Variants in LRRTM4 observed in about 807,000 individuals in gnomAD.
LRRTM4 encodes leucine rich repeat transmembrane neuronal 4, also known as leucine-rich repeat transmembrane neuronal protein 4.
Under a neutral mutation model 47.6 loss-of-function variants are expected in LRRTM4, and 25 were observed. The observed-to-expected ratio is 0.53, with a 90% CI of 0.38 to 0.73. The LOEUF is 0.73. Among genes scored for constraint, LRRTM4 ranks in the 30% least tolerant of loss-of-function variants. The pLI, the probability that LRRTM4 is intolerant of heterozygous loss-of-function variation, is 0.00. For synonymous variants in LRRTM4, 311 were observed against 269.5 expected (o/e 1.15, Z -1.51); for missense variants, 638 against 713.4 (o/e 0.89, Z 1.20).
chr2:77,330,098 G>T (rs897213079), intron 3 of LRRTM4, among the ~76,000 whole-genome samples: 1 of 152,144 alleles, frequency 6.6e-6, no homozygotes, highest in African/African-American at 2.4e-5. Flanking sequence ...GATTTGGCTG[G>T]AACCTTGGAT....
At chr2:77,022,555 A>G (rs969439549) in intron 3 of LRRTM4, among the ~76,000 whole-genome samples, 2 of 152,196 alleles carry the variant, frequency 1.3e-5, no homozygotes, top group Non-Finnish European at 1.5e-5. Flanking sequence ...CCTAGATACA[A>G]TGGAGGTACA....
chr2:76,785,133 G>GTACAAACAAT (rs1233289740), intron 3 of LRRTM4, among the ~76,000 whole-genome samples: 1 of 152,026 alleles, frequency 6.6e-6, no homozygotes, highest in Non-Finnish European at 1.5e-5. Context: ...GAAGAAGGAA[G>GTACAAACAAT]TACAAACAAT....
intron 3 of LRRTM4, among the ~76,000 whole-genome samples, chr2:76,770,780 A>C (rs968159604): frequency 3.3e-5 from 5 of 152,358 alleles, no homozygotes; most frequent in African/African-American, 1.2e-4. Flanking sequence ...CAATTGAAAC[A>C]TCTGACATAA....
chr2:76,908,908 G>C (rs898431308), intron 3 of LRRTM4, among the ~76,000 whole-genome samples: 1 of 152,164 alleles, frequency 6.6e-6, no homozygotes, highest in African/African-American at 2.4e-5. Context: ...TGTGAAAATG[G>C]CCATACTGCC....
intron 3 of LRRTM4, among the ~76,000 whole-genome samples, chr2:77,075,153 G>T (rs959974696): frequency 3.9e-5 from 6 of 152,030 alleles, no homozygotes; most frequent in African/African-American, 1.4e-4. Flanking sequence ...CTAATACCTG[G>T]TAACTTTGAA....
At chr2:77,494,547 A>G (rs1033475059) in intron 3 of LRRTM4, among the ~76,000 whole-genome samples, 5 of 151,372 alleles carry the variant, frequency 3.3e-5, no homozygotes, top group Non-Finnish European at 5.9e-5. Context: ...TCTTGCTTCT[A>G]CCACTCTGAA....
chr2:77,182,903 C>T (rs1673389697), intron 3 of LRRTM4, among the ~76,000 whole-genome samples: 1 of 152,108 alleles, frequency 6.6e-6, no homozygotes. Flanking sequence ...GAAACTGGAT[C>T]CCTTCCTTAC....
chr2:76,974,199 T>TATATATACATAC (rs1676329167), intron 3 of LRRTM4, among the ~76,000 whole-genome samples: 4 of 94,814 alleles, frequency 4.2e-5, no homozygotes, highest in African/African-American at 1.1e-4. Flanking sequence ...TATATATACA[T>TATATATACATAC]ATATATATAT....
chr2:76,924,314 T>C (rs1368459526), intron 3 of LRRTM4, among the ~76,000 whole-genome samples: 1 of 152,080 alleles, frequency 6.6e-6, no homozygotes. Flanking sequence ...TCCTCAACTC[T>C]TCTCTTTTTG....
intron 3 of LRRTM4, among the ~76,000 whole-genome samples, chr2:77,286,346 C>T (rs1244088043): frequency 6.6e-6 from 1 of 151,698 alleles, no homozygotes; most frequent in Non-Finnish European, 1.5e-5. Context: ...ATAAATTATA[C>T]CAAATCATTT....
chr2:76,802,236 CAA>C (rs60771411), intron 3 of LRRTM4, among the ~76,000 whole-genome samples: 16,447 of 139,266 alleles, frequency 0.12, 1,072 homozygotes, highest in Non-Finnish European at 0.15. Context: ...AAGACTCCAC[CAA>C]AAAAAAAAAA....
chr2:77,292,103 C>T lies in LRRTM4; in HGVS notation c.1551+226215G>A, dbSNP rs563277182. Among the ~76,000 whole-genome samples, 3 of 152,058 alleles carry T rather than the reference C, an allele frequency of 2.0e-5. 1 individual carries two copies. The highest frequency in any genetic ancestry group is 4.1e-4 in the South Asian group (2 of 4,824). On this transcript the variant is annotated intron_variant, in intron 3 of 3. Coordinates refer to ENST00000409884, the MANE Select transcript of LRRTM4 (RefSeq NM_001134745.3). ...AAAAAAACACATGAAAAAATGCTCA[C>T]CATCACTGGCTATCAGAGAAATGCA...
intron 3 of LRRTM4, among the ~76,000 whole-genome samples, chr2:76,911,234 G>A (rs1363046445): frequency 1.3e-5 from 2 of 148,200 alleles, no homozygotes; most frequent in Admixed American, 6.6e-5. Flanking sequence ...ACAGATAGAC[G>A]TGTTGTGAAG....
At chr2:77,185,279 A>G (rs1394632972) in intron 3 of LRRTM4, among the ~76,000 whole-genome samples, 5 of 152,162 alleles carry the variant, frequency 3.3e-5, no homozygotes, top group Non-Finnish European at 7.4e-5. Flanking sequence ...AAAATCTACA[A>G]TTGTCCAGTG....
intron 3 of LRRTM4, among the ~76,000 whole-genome samples, chr2:77,317,512 A>C (rs1012858174): frequency 6.6e-6 from 1 of 152,212 alleles, no homozygotes; most frequent in Non-Finnish European, 1.5e-5. Context: ...TCTCTGAATA[A>C]ATATAATATT....
At chr2:77,376,659 T>C (rs1672853161) in intron 3 of LRRTM4, among the ~76,000 whole-genome samples, 1 of 151,782 alleles carries the variant, frequency 6.6e-6, no homozygotes, top group Admixed American at 6.6e-5. Context: ...GTTATGGGTT[T>C]TGTAAGAGGA....
chr2:77,485,537 G>A (rs184724142), intron 3 of LRRTM4, among the ~76,000 whole-genome samples: 2 of 152,286 alleles, frequency 1.3e-5, no homozygotes, highest in East Asian at 1.9e-4. Flanking sequence ...CAGAGAAAAG[G>A]CTTTAGATAA....
At chr2:76,842,714 T>C (rs527986921) in intron 3 of LRRTM4, among the ~76,000 whole-genome samples, 1 of 151,070 alleles carries the variant, frequency 6.6e-6, no homozygotes, top group East Asian at 2.0e-4. Context: ...TTTTTAACTT[T>C]ATAAAAGTTT....
At chr2:77,125,483 C>T (rs1671631062) in intron 3 of LRRTM4, among the ~76,000 whole-genome samples, 1 of 152,072 alleles carries the variant, frequency 6.6e-6, no homozygotes. Flanking sequence ...CTTTTTCCAT[C>T]CTAAACGCTC....
Sources: gnomAD v4.1 joint callset for allele counts (sites outside exome capture counted in the v4.1 genomes callset) on GRCh38, gnomAD v4.1.1 for gene constraint, MANE v1.5 for transcripts, NCBI Gene and HGNC (gene_info 2026-07-23, HGNC 2026-07-21) for gene names.